Variants in KLF12 observed in about 807,000 individuals in gnomAD.
The protein encoded by KLF12 is Krueppel-like factor 12.
A neutral mutation model predicts 37.8 loss-of-function variants in KLF12; 9 were observed. The ratio of observed to expected loss-of-function variants is 0.24; its 90% CI spans 0.14 to 0.42. The LOEUF is 0.42. KLF12 is among the 10% of genes least tolerant of loss of function. The pLI, the probability that KLF12 is intolerant of heterozygous loss-of-function variation, is 1.00. For synonymous variants in KLF12, 208 were observed against 202.1 expected (o/e 1.03, Z -0.25); for missense variants, 411 against 516.0 (o/e 0.80, Z 1.97).
intron 4 of KLF12, among the ~76,000 whole-genome samples, chr13:73,828,912 C>A (rs1883998560): frequency 6.6e-6 from 1 of 152,062 alleles, no homozygotes; most frequent in Non-Finnish European, 1.5e-5. Flanking sequence ...TTTTTAAAAA[C>A]TGCCCTTCCT....
intron 2 of KLF12, among the ~76,000 whole-genome samples, chr13:73,971,644 G>A (rs1891344617): frequency 6.6e-6 from 1 of 152,084 alleles, no homozygotes; most frequent in African/African-American, 2.4e-5. Flanking sequence ...TCTTAATAGT[G>A]ACTAGTTTCA....
intron 1 of KLF12, among the ~76,000 whole-genome samples, chr13:74,065,217 C>CAT (rs1384533306): frequency 1.7e-4 from 16 of 93,694 alleles, no homozygotes; most frequent in Non-Finnish European, 3.0e-4. Context: ...CACACACACA[C>CAT]ACACACATGT....
In KLF12 at chr13:73,855,421, C is replaced by T. The variant is rs569382626; in HGVS notation, c.124-9048G>A. 6.6e-5 allele frequency among the ~76,000 whole-genome samples: 10 copies of T among 152,182 alleles called. No homozygotes were observed. In the Middle Eastern group the frequency reaches 0.014, roughly 207 times the overall value. On this transcript the variant is annotated intron_variant, in intron 3 of 7. Transcript: ENST00000377669. ...CATGTTGCTACAAAGGCCATGATTT[C>T]GTTTTTGTGTGTGTGTGTGGCTGCA...
chr13:73,760,991 T>G (rs1879511682), intron 6 of KLF12, among the ~76,000 whole-genome samples: 1 of 152,150 alleles, frequency 6.6e-6, no homozygotes, highest in East Asian at 1.9e-4. Flanking sequence ...CCCTGTCCTA[T>G]GCCAGCCTAC....
the KLF12 span, among the ~76,000 whole-genome samples, chr13:74,218,874 A>C: frequency 6.6e-6 from 1 of 152,178 alleles, no homozygotes; most frequent in Non-Finnish European, 1.5e-5. Context: ...AGAGAATATG[A>C]AAATATCCCC....
intron 1 of KLF12, among the ~76,000 whole-genome samples, chr13:74,099,418 C>A (rs1876177056): frequency 6.6e-6 from 1 of 152,140 alleles, no homozygotes; most frequent in Admixed American, 6.5e-5. Flanking sequence ...GAACCCTTTA[C>A]AATATAAATC....
intron 4 of KLF12, among the ~76,000 whole-genome samples, chr13:73,823,891 G>T (rs1488956700): frequency 6.6e-6 from 1 of 151,918 alleles, no homozygotes; most frequent in Non-Finnish European, 1.5e-5. Context: ...AGTATTTTTA[G>T]TAGAGACAGG....
intron 5 of KLF12, among the ~76,000 whole-genome samples, chr13:73,804,737 G>A (rs1314757741): frequency 2.0e-5 from 3 of 152,154 alleles, no homozygotes; most frequent in African/African-American, 7.2e-5. Flanking sequence ...TTGCCCATCA[G>A]CAGCACCACA....
the KLF12 span, among the ~76,000 whole-genome samples, chr13:74,173,157 G>A: frequency 2.6e-5 from 4 of 152,176 alleles, no homozygotes; most frequent in African/African-American, 9.7e-5. Flanking sequence ...CCAATTCTGA[G>A]AAGGAGACAA....
intron 2 of KLF12, among the ~76,000 whole-genome samples, chr13:73,964,544 T>A (rs535108707): frequency 6.9e-6 from 1 of 145,154 alleles, no homozygotes; most frequent in Admixed American, 6.9e-5. Flanking sequence ...CCAAGGCGGG[T>A]GGATCACGAG....
intron 1 of KLF12, among the ~76,000 whole-genome samples, chr13:74,119,808 G>A (rs1377760168): frequency 6.6e-6 from 1 of 151,992 alleles, no homozygotes. Flanking sequence ...GTAATGGGTA[G>A]AAATTTCTGA....
At chr13:73,813,073 G>A in intron 5 of KLF12, 79 bp downstream of exon 5, 1 of 1,470,070 alleles carries the variant, frequency 6.8e-7, no homozygotes, top group Non-Finnish European at 9.4e-7. Flanking sequence ...CATGGCTGGG[G>A]GACAGGAGAT....
intron 1 of KLF12, among the ~76,000 whole-genome samples, chr13:74,061,573 G>A (rs1175168506): frequency 6.6e-6 from 1 of 152,112 alleles, no homozygotes; most frequent in East Asian, 1.9e-4. Context: ...TGGGGTCTCA[G>A]TTTCTTCACC....
chr13:74,231,640 TC>T, the KLF12 span: 1 of 152,196 alleles, frequency 6.6e-6, no homozygotes, highest in African/African-American at 2.4e-5. Context: ...TTTGGAAATA[TC>T]TTCTGTGAAG....
At chr13:74,032,490 T>C (rs1333757914) in intron 1 of KLF12, among the ~76,000 whole-genome samples, 2 of 152,194 alleles carry the variant, frequency 1.3e-5, no homozygotes, top group Non-Finnish European at 2.9e-5. Context: ...TATCTGCTAC[T>C]TGCTCAGGCT....
At chr13:73,927,062 T>C (rs1263515447) in intron 3 of KLF12, among the ~76,000 whole-genome samples, 1 of 152,170 alleles carries the variant, frequency 6.6e-6, no homozygotes, top group Non-Finnish European at 1.5e-5. Context: ...AACTCAAATG[T>C]CTTACCACTT....
intron 1 of KLF12, among the ~76,000 whole-genome samples, chr13:74,049,972 T>TTTG (rs3079826): frequency 2.6e-4 from 39 of 151,334 alleles, no homozygotes; most frequent in East Asian, 5.9e-4. Context: ...TGATGGTGGT[T>TTTG]TTGTTGTTGT....
At chr13:73,742,348 C>T (rs932031135) in intron 6 of KLF12, among the ~76,000 whole-genome samples, 1 of 152,000 alleles carries the variant, frequency 6.6e-6, no homozygotes, top group African/African-American at 2.4e-5. Context: ...AACCTGAGCT[C>T]AAAATATAGA....
chr13:74,110,044 C>T (rs1876886574), intron 1 of KLF12, among the ~76,000 whole-genome samples: 1 of 152,136 alleles, frequency 6.6e-6, no homozygotes, highest in Admixed American at 6.5e-5. Context: ...TTAGCCAATG[C>T]TTACAAGATT....
Sources: allele counts gnomAD v4.1 joint callset (sites outside exome capture counted in the v4.1 genomes callset), GRCh38; gene constraint gnomAD v4.1.1; transcripts MANE v1.5; gene names NCBI Gene and HGNC (gene_info 2026-07-23, HGNC 2026-07-21).